The following ARMC2 variants were observed in gnomAD, a reference collection of about 807,000 sequenced individuals.
ARMC2 encodes armadillo repeat containing 2.
In ARMC2, 67 loss-of-function variants were observed where a neutral mutation model predicts 90.3. The observed-to-expected ratio is 0.74, with a 90% confidence interval of 0.61 to 0.91. The LOEUF (loss-of-function observed/expected upper bound fraction) is 0.91, where lower values mean the gene tolerates loss of function less well. ARMC2 is among the 40% of genes least tolerant of loss of function. ARMC2 has a pLI of 0.00. For synonymous variants in ARMC2, 393 were observed against 393.0 expected, an observed-to-expected ratio of 1.00 and a Z score of 0.00; for missense variants, 920 against 1,030.9, an observed-to-expected ratio of 0.89 and a Z score of 1.47.
intron 3 of ARMC2, among the ~76,000 whole-genome samples, chr6:108,866,624 G>C (rs1285101667): frequency 2.6e-5 from 4 of 152,320 alleles, no homozygotes; most frequent in African/African-American, 9.6e-5. Flanking sequence ...GGAGACTACT[G>C]TCTCTGTGTT....
At chr6:108,901,032 A>ATGGGGACAC (rs1772084985) in intron 7 of ARMC2, among the ~76,000 whole-genome samples, 1 of 149,272 alleles carries the variant, frequency 6.7e-6, no homozygotes, top group African/African-American at 2.5e-5. Context: ...ACAACATTGA[A>ATGGGGACAC]TGGGGACACT....
the ARMC2 span, among the ~76,000 whole-genome samples, chr6:109,035,230 T>C: frequency 6.6e-6 from 1 of 152,108 alleles, no homozygotes; most frequent in Non-Finnish European, 1.5e-5. Flanking sequence ...CAAAACAGCA[T>C]TCATTTGTTC....
chr6:108,912,665 G>A, intron 10 of ARMC2, 107 bp downstream of exon 10: 1 of 1,024,128 alleles, frequency 9.8e-7, no homozygotes. Flanking sequence ...CCAGGTGTGG[G>A]TGCCTGGCCT....
the ARMC2 span, among the ~76,000 whole-genome samples, chr6:109,045,914 ACT>A: frequency 6.6e-6 from 1 of 152,198 alleles, no homozygotes; most frequent in South Asian, 2.1e-4. Context: ...ATATGGAAGA[ACT>A]CTGATTGAAA....
intron 12 of ARMC2, among the ~76,000 whole-genome samples, chr6:108,952,487 A>T (rs1162520334): frequency 6.6e-6 from 1 of 152,190 alleles, no homozygotes; most frequent in East Asian, 1.9e-4. Context: ...TGGCTGTCAC[A>T]TCTGGAGAGG....
At chr6:108,863,433 C>T (rs1362180672) in intron 3 of ARMC2, among the ~76,000 whole-genome samples, 1 of 152,126 alleles carries the variant, frequency 6.6e-6, no homozygotes, top group African/African-American at 2.4e-5. Flanking sequence ...ATAGGTGTGC[C>T]AGTTTACGTC....
At chr6:108,965,199 T>A in intron 17 of ARMC2, 59 bp downstream of exon 17, 3 of 1,466,150 alleles carry the variant, frequency 2.0e-6, no homozygotes, top group Non-Finnish European at 2.8e-6. Context: ...ATAGTTTTTT[T>A]CTGTGACCTG....
intron 3 of ARMC2, among the ~76,000 whole-genome samples, chr6:108,858,509 A>G (rs1304074206): frequency 6.6e-6 from 1 of 151,948 alleles, no homozygotes; most frequent in Non-Finnish European, 1.5e-5. Context: ...TTTAAAATAT[A>G]TAATAACTTG....
Position 108,899,774 on chromosome 6 carries a change from T to C in ARMC2, c.829T>C (p.Leu277=), listed in dbSNP as rs766947267. The stretch of plus-strand genomic sequence containing the variant: ...TTGGAATACAAGGATTGTACCGATT[T>C]TGCGTGAATTAGAAAAGGGTAAAAC... ...VFWNTRIVPI[L]RELEKEENIE... is the part of the protein sequence containing the mutation. Residue 277 remains leucine (L), a synonymous_variant, in exon 7 of 18, where the codon TTG becomes CTG. Coordinates refer to ENST00000392644, the MANE Select transcript of ARMC2 (RefSeq NM_032131.6). The C allele has an allele frequency of 6.2e-7, 1 of 1,612,796 alleles. No individual in the cohort carries two copies. The highest frequency in any genetic ancestry group is 2.2e-5 in the East Asian group (1 of 44,842).
At chr6:108,879,987 G>A (rs867517208) in intron 5 of ARMC2, 26 of 466,902 alleles carry the variant, frequency 5.6e-5, no homozygotes, top group African/African-American at 3.2e-4. Flanking sequence ...ATAAACTATC[G>A]AGTGCTCTTA....
At chr6:108,871,307 G>A (rs929806701) in intron 4 of ARMC2, among the ~76,000 whole-genome samples, 1 of 152,166 alleles carries the variant, frequency 6.6e-6, no homozygotes, top group East Asian at 1.9e-4. Flanking sequence ...GAGACAATGT[G>A]ATGTAGGTTT....
chr6:108,917,141 A>G (rs759725098), intron 10 of ARMC2, among the ~76,000 whole-genome samples: 1 of 152,122 alleles, frequency 6.6e-6, no homozygotes, highest in Non-Finnish European at 1.5e-5. Flanking sequence ...TTTGAATTCA[A>G]TCCTTAGAGA....
At chr6:108,940,720 C>T (rs1402435465) in intron 12 of ARMC2, among the ~76,000 whole-genome samples, 1 of 152,168 alleles carries the variant, frequency 6.6e-6, no homozygotes, top group Non-Finnish European at 1.5e-5. Context: ...CTTGATTTTA[C>T]AGGCTGCTCT....
At chr6:109,008,614 A>AT in the ARMC2 span, 1 of 184,700 alleles carries the variant, frequency 5.4e-6, no homozygotes, top group Non-Finnish European at 1.0e-5. Flanking sequence ...TCTTGAACTA[A>AT]GGCAACACTC....
chr6:108,907,581 G>T, intron 8 of ARMC2: 1 of 1,524,116 alleles, frequency 6.6e-7, no homozygotes, highest in South Asian at 1.1e-5. Flanking sequence ...CAAGGTCGTG[G>T]GGTGGGGGGG....
At chr6:108,893,197 A>G (rs557644301) in intron 5 of ARMC2, among the ~76,000 whole-genome samples, 1 of 152,256 alleles carries the variant, frequency 6.6e-6, no homozygotes, top group South Asian at 2.1e-4. Flanking sequence ...TTGGCCAGCC[A>G]CTGCTCTTTT....
At position 108,966,323 on chromosome 6, in the gene ARMC2, C is replaced by T. The variant is rs138960343; in HGVS notation, c.2446+1183C>T. 5.2e-4 allele frequency among the ~76,000 whole-genome samples: 79 copies of T among 152,024 alleles called. 1 individual carries two copies. Among genetic ancestry groups the T allele is most frequent in the African/African-American group, 1.8e-3 (76 of 41,450 alleles). On this transcript the variant is annotated intron_variant, in intron 17 of 17. Transcript: ENST00000392644. The stretch of plus-strand genomic sequence containing the variant: ...ACTTTTAAAAACACAGATTATCAGC[C>T]GTTCCGAAATGATATTTTATCATCT...
chr6:108,883,526 A>T (rs1349835241), intron 5 of ARMC2, among the ~76,000 whole-genome samples: 1 of 152,254 alleles, frequency 6.6e-6, no homozygotes, highest in East Asian at 1.9e-4. Context: ...AAGTGTGAGT[A>T]CTGATTTCTT....
intron 11 of ARMC2, among the ~76,000 whole-genome samples, chr6:108,928,921 T>C (rs1775311220): frequency 6.6e-6 from 1 of 152,234 alleles, no homozygotes; most frequent in Non-Finnish European, 1.5e-5. Context: ...TCCTGAAGAC[T>C]GAATTGGTAC....
Sources: gnomAD v4.1 joint callset for allele counts (sites outside exome capture counted in the v4.1 genomes callset) on GRCh38, gnomAD v4.1.1 for gene constraint, MANE v1.5 for transcripts, NCBI Gene and HGNC (gene_info 2026-07-23, HGNC 2026-07-21) for gene names.